SGCZ: variants seen among roughly 807,000 people sequenced by gnomAD.
SGCZ encodes the protein zeta-sarcoglycan.
SGCZ carries 40 observed loss-of-function variants against 41.3 expected under a neutral mutation model. That is an observed-to-expected ratio of 0.97 (90% CI 0.75 to 1.26). The LOEUF is 1.26. Among genes scored for constraint, SGCZ ranks in the 50% most tolerant of loss-of-function variants. The pLI, the probability that SGCZ is intolerant of heterozygous loss-of-function variation, is 0.00. For synonymous variants in SGCZ, 206 were observed against 137.5 expected (o/e 1.50, Z -3.49); for missense variants, 552 against 369.8 (o/e 1.49, Z -4.04).
chr8:14,546,863 C>A (rs1273325202), intron 2 of SGCZ, among the ~76,000 whole-genome samples: 1 of 152,110 alleles, frequency 6.6e-6, no homozygotes, highest in Non-Finnish European at 1.5e-5. Flanking sequence ...AGAAACTATA[C>A]AACCCATGCT....
At chr8:14,124,254 A>T (rs189586409) in intron 5 of SGCZ, among the ~76,000 whole-genome samples, 6 of 151,966 alleles carry the variant, frequency 3.9e-5, no homozygotes, top group Admixed American at 3.9e-4. Flanking sequence ...AGCTTGAAAT[A>T]TTTTTTCCTT....
intron 2 of SGCZ, among the ~76,000 whole-genome samples, chr8:14,502,860 A>G (rs1188868955): frequency 6.6e-6 from 1 of 152,192 alleles, no homozygotes; most frequent in African/African-American, 2.4e-5. Context: ...GGGAGTGTAA[A>G]TTCAACCATT....
intron 2 of SGCZ, among the ~76,000 whole-genome samples, chr8:14,514,921 A>G (rs1341027524): frequency 6.6e-6 from 1 of 151,530 alleles, no homozygotes; most frequent in Non-Finnish European, 1.5e-5. Flanking sequence ...ATGTTACACC[A>G]TAGGGGAATG....
intron 2 of SGCZ, among the ~76,000 whole-genome samples, chr8:14,444,109 G>T (rs1225947936): frequency 6.6e-6 from 1 of 152,112 alleles, no homozygotes; most frequent in Non-Finnish European, 1.5e-5. Flanking sequence ...AAACCACAAT[G>T]AGATACCATC....
intron 1 of SGCZ, among the ~76,000 whole-genome samples, chr8:15,040,592 G>A (rs1804057413): frequency 6.6e-6 from 1 of 152,288 alleles, no homozygotes. Context: ...TTGCACTCCA[G>A]CCTGGGCAAC....
intron 4 of SGCZ, among the ~76,000 whole-genome samples, chr8:14,216,897 G>C (rs1431162766): frequency 5.9e-5 from 9 of 152,130 alleles, no homozygotes; most frequent in Non-Finnish European, 1.3e-4. Context: ...GGGGGTAGGA[G>C]CAAAAAGATG....
intron 1 of SGCZ, among the ~76,000 whole-genome samples, chr8:15,120,149 T>G (rs1226156570): frequency 1.3e-5 from 2 of 152,194 alleles, no homozygotes; most frequent in Non-Finnish European, 2.9e-5. Context: ...CCTGACCCAA[T>G]TTTTATATTT....
chr8:14,952,290 A>T (rs1389597343), intron 1 of SGCZ, among the ~76,000 whole-genome samples: 1 of 152,024 alleles, frequency 6.6e-6, no homozygotes, highest in Non-Finnish European at 1.5e-5. Flanking sequence ...GCTTTGGCTT[A>T]TTTTAAAACC....
chr8:14,546,512 C>A (rs1476689790), intron 2 of SGCZ, among the ~76,000 whole-genome samples: 1 of 152,230 alleles, frequency 6.6e-6, no homozygotes, highest in South Asian at 2.1e-4. Flanking sequence ...TCATTGTACT[C>A]TCCAGAAATT....
intron 1 of SGCZ, among the ~76,000 whole-genome samples, chr8:14,732,525 G>A (rs559256221): frequency 6.6e-6 from 1 of 152,266 alleles, no homozygotes; most frequent in East Asian, 1.9e-4. Flanking sequence ...GGAAAGCCCA[G>A]TCCCACCTGC....
intron 1 of SGCZ, among the ~76,000 whole-genome samples, chr8:15,108,740 A>AT (rs1416725012): frequency 2.6e-5 from 4 of 152,172 alleles, no homozygotes; most frequent in African/African-American, 7.2e-5. Context: ...AATAGAAATC[A>AT]TTATTAATAT....
chr8:14,653,928 C>G (rs202187596), intron 1 of SGCZ, among the ~76,000 whole-genome samples: 1 of 151,992 alleles, frequency 6.6e-6, no homozygotes, highest in Non-Finnish European at 1.5e-5. Context: ...AGCATTTCAC[C>G]AATTAAAAGA....
intron 1 of SGCZ, among the ~76,000 whole-genome samples, chr8:14,824,670 C>T (rs943189334): frequency 2.6e-5 from 4 of 151,912 alleles, no homozygotes; most frequent in Non-Finnish European, 4.4e-5. Context: ...TGAATTAATC[C>T]TAAAATCCTT....
At chr8:14,110,841 G>A (rs1397743641) in intron 5 of SGCZ, among the ~76,000 whole-genome samples, 1 of 151,958 alleles carries the variant, frequency 6.6e-6, no homozygotes, top group Non-Finnish European at 1.5e-5. Context: ...TCACTTGAGG[G>A]CAGGAGTTCC....
intron 1 of SGCZ, among the ~76,000 whole-genome samples, chr8:14,756,777 T>C (rs1192532103): frequency 6.6e-6 from 1 of 152,176 alleles, no homozygotes; most frequent in Non-Finnish European, 1.5e-5. Context: ...ATTAATACAA[T>C]TGTACAAACA....
At chr8:14,738,787 C>T (rs958344773) in intron 1 of SGCZ, among the ~76,000 whole-genome samples, 7 of 151,988 alleles carry the variant, frequency 4.6e-5, no homozygotes, top group Non-Finnish European at 8.8e-5. Flanking sequence ...CTAACTATGC[C>T]GTTGATATTG....
chr8:15,052,191 A>G (rs1292434294), intron 1 of SGCZ, among the ~76,000 whole-genome samples: 2 of 152,190 alleles, frequency 1.3e-5, no homozygotes, highest in Non-Finnish European at 2.9e-5. Flanking sequence ...GAAAGCAGAA[A>G]TAAATTGGAG....
At chr8:14,983,700 A>G (rs145073934) in intron 1 of SGCZ, among the ~76,000 whole-genome samples, 93 of 152,174 alleles carry the variant, frequency 6.1e-4, no homozygotes, top group African/African-American at 2.2e-3. Context: ...TCTCACAACC[A>G]TTTTTACAGA....
chr8:15,020,796 C>G (rs1336793122), intron 1 of SGCZ, among the ~76,000 whole-genome samples: 2 of 152,182 alleles, frequency 1.3e-5, no homozygotes, highest in African/African-American at 2.4e-5. Context: ...CTTATTTAAA[C>G]TATCCACACT....
Sources: gnomAD v4.1 joint callset for allele counts (sites outside exome capture counted in the v4.1 genomes callset) on GRCh38, gnomAD v4.1.1 for gene constraint, MANE v1.5 for transcripts, NCBI Gene and HGNC (gene_info 2026-07-23, HGNC 2026-07-21) for gene names.